The following DLGAP1 variants were observed in gnomAD, a reference collection of about 807,000 sequenced individuals.
DLGAP1 encodes the protein DLG associated protein 1.
In DLGAP1, 11 loss-of-function variants were observed where a neutral mutation model predicts 90.8. The ratio of observed to expected loss-of-function variants is 0.12; its 90% CI spans 0.08 to 0.20. The LOEUF is 0.20. Ranked by LOEUF, DLGAP1 falls within the 10% of genes least tolerant of loss-of-function variation. The pLI is 1.00. For synonymous variants in DLGAP1, 558 were observed against 540.7 expected (o/e 1.03, Z -0.44); for missense variants, 1,050 against 1,333.8 (o/e 0.79, Z 3.31).
chr18:3,879,329 G>T lies in DLGAP1; in HGVS notation c.740C>A (p.Ala247Glu), dbSNP rs761785408. ...LEAYNTISEQ[A>E]VKASRSNNDV... Reference sequence around the variant, plus strand: ...GTTGTTGCTCCGGGAGGCCTTCACCGCCTGCTCGCTGATGGTGTTGTAGGC... The same window carrying T: ...GTTGTTGCTCCGGGAGGCCTTCACCTCCTGCTCGCTGATGGTGTTGTAGGC... The change falls in exon 4 of 13, where the codon GCG becomes GAG. Residue 247 changes from alanine (A) to glutamate (E), a missense_variant. Ala to Glu is a moderately radical substitution (Grantham distance 107). This residue lies in a region of DLGAP1 where 485 missense variants were observed against 454.1 expected (regional missense o/e 1.07). Coordinates refer to ENST00000315677, the MANE Select transcript of DLGAP1 (RefSeq NM_004746.4). The surrounding 1 kb of genome is among the most constrained non-coding windows in gnomAD (Gnocchi z 6.6). 1.2e-6 allele frequency: 2 copies of T among 1,605,140 alleles called. No homozygotes were observed. The highest frequency in any genetic ancestry group is 1.1e-5 in the South Asian group (1 of 89,822).
intron 3 of DLGAP1, among the ~76,000 whole-genome samples, chr18:3,931,138 CT>C (rs986493061): frequency 5.3e-5 from 8 of 152,206 alleles, no homozygotes; most frequent in African/African-American, 1.9e-4. Context: ...CAAGTCTGGA[CT>C]TGCCACATAT....
At chr18:4,137,900 T>C (rs1047790987) in intron 2 of DLGAP1, among the ~76,000 whole-genome samples, 6 of 152,288 alleles carry the variant, frequency 3.9e-5, no homozygotes, top group Admixed American at 3.3e-4. Flanking sequence ...CTTTTCTGAT[T>C]TCTTTTTCAG....
chr18:3,644,522 T>C (rs2059052718), intron 7 of DLGAP1, among the ~76,000 whole-genome samples: 1 of 152,102 alleles, frequency 6.6e-6, no homozygotes. Flanking sequence ...GTGATTCTCC[T>C]GCCTCAGCCT....
At chr18:4,153,533 C>CT (rs1419731274) in intron 1 of DLGAP1, among the ~76,000 whole-genome samples, 1 of 151,826 alleles carries the variant, frequency 6.6e-6, no homozygotes, top group African/African-American at 2.4e-5. Flanking sequence ...TCTTCCTGTT[C>CT]TTTTTTTTAA....
At chr18:3,935,680 G>C (rs2096560643) in intron 3 of DLGAP1, among the ~76,000 whole-genome samples, 2 of 152,182 alleles carry the variant, frequency 1.3e-5, no homozygotes, top group Admixed American at 1.3e-4. Context: ...ATAATAGCTA[G>C]GGGTCTATGT....
intron 1 of DLGAP1, among the ~76,000 whole-genome samples, chr18:4,159,570 C>T (rs1312077271): frequency 6.6e-6 from 1 of 152,128 alleles, no homozygotes; most frequent in African/African-American, 2.4e-5. Context: ...AATGAAAGCT[C>T]CCCACGGAAT....
chr18:4,186,066 C>T (rs1337921195), intron 1 of DLGAP1, among the ~76,000 whole-genome samples: 2 of 149,926 alleles, frequency 1.3e-5, no homozygotes, highest in African/African-American at 4.8e-5. Context: ...GCTTATTGGC[C>T]TCATGTATGT....
intron 1 of DLGAP1, among the ~76,000 whole-genome samples, chr18:4,317,757 G>T (rs572799589): frequency 5.9e-5 from 9 of 152,322 alleles, no homozygotes; most frequent in African/African-American, 1.7e-4. Context: ...TGATCCCCAG[G>T]ATGATCAAAC....
rs1295025178 is a variant in DLGAP1, at chr18:4,342,423, T to C, written c.-267+112583A>G. Among the ~76,000 whole-genome samples, 1 of 152,226 alleles carries C rather than the reference T, an allele frequency of 6.6e-6. No individual in the cohort carries two copies. The highest frequency in any genetic ancestry group is 6.5e-5 in the Admixed American group (1 of 15,278). On this transcript the variant is annotated intron_variant, in intron 1 of 12. Coordinates refer to ENST00000315677, the MANE Select transcript of DLGAP1 (RefSeq NM_004746.4). This position sits in a 1 kb window ranked among gnomAD's most constrained non-coding sequence, Gnocchi z 5.8. Reference sequence around the variant, plus strand: ...AAATTGGAAAGGAAATATCTTGCACTACTAAGACTAAATGGTTTTAAAACT... The same window carrying C: ...AAATTGGAAAGGAAATATCTTGCACCACTAAGACTAAATGGTTTTAAAACT...
intron 7 of DLGAP1, among the ~76,000 whole-genome samples, chr18:3,650,460 C>CAAAAGAAAGAAAGAA (rs1161205553): frequency 2.0e-5 from 3 of 151,852 alleles, no homozygotes; most frequent in African/African-American, 7.3e-5. Context: ...CCTGTCTCTA[C>CAAAAGAAAGAAAGAA]AAAAGAAAGA....
intron 7 of DLGAP1, among the ~76,000 whole-genome samples, chr18:3,620,949 G>A (rs1201336612): frequency 6.6e-6 from 1 of 152,164 alleles, no homozygotes; most frequent in African/African-American, 2.4e-5. Context: ...CCCAGAGGTT[G>A]GTCTCCCACC....
intron 2 of DLGAP1, among the ~76,000 whole-genome samples, chr18:4,117,215 T>G (rs1014612772): frequency 2.0e-5 from 3 of 152,228 alleles, no homozygotes; most frequent in African/African-American, 7.2e-5. Flanking sequence ...ATCTTGATCT[T>G]AGACTTCTAG....
chr18:4,422,761 G>A (rs1292793596), intron 1 of DLGAP1, among the ~76,000 whole-genome samples: 2 of 151,950 alleles, frequency 1.3e-5, no homozygotes, highest in Non-Finnish European at 2.9e-5. Flanking sequence ...TAACAAATGG[G>A]AGAAAATCTT....
At chr18:4,095,357 A>T (rs904458213) in intron 2 of DLGAP1, among the ~76,000 whole-genome samples, 1 of 152,172 alleles carries the variant, frequency 6.6e-6, no homozygotes, top group Admixed American at 6.5e-5. Context: ...TAGAGGGGAA[A>T]AGCTTAGGCT....
At chr18:4,111,049 T>C (rs1212181593) in intron 2 of DLGAP1, among the ~76,000 whole-genome samples, 2 of 152,124 alleles carry the variant, frequency 1.3e-5, no homozygotes, top group Non-Finnish European at 2.9e-5. Flanking sequence ...TAGCCGTGGT[T>C]TTTTTCTAGG....
intron 7 of DLGAP1, among the ~76,000 whole-genome samples, chr18:3,701,565 T>C (rs556032093): frequency 3.3e-5 from 5 of 152,250 alleles, no homozygotes; most frequent in South Asian, 2.1e-4. Context: ...ATCTGAGAGA[T>C]TAGAAGTTGT....
intron 7 of DLGAP1, among the ~76,000 whole-genome samples, chr18:3,592,778 A>G (rs1380201493): frequency 7.6e-6 from 1 of 131,330 alleles, no homozygotes; most frequent in Admixed American, 8.9e-5. Context: ...TGGGAGGTGG[A>G]GGCCGCAATG....
At chr18:3,647,965 T>G (rs2059179013) in intron 7 of DLGAP1, among the ~76,000 whole-genome samples, 3 of 152,066 alleles carry the variant, frequency 2.0e-5, no homozygotes. Flanking sequence ...ATTTTAGGAG[T>G]TCATATTTAA....
chr18:4,100,517 T>C (rs143462263), intron 2 of DLGAP1, among the ~76,000 whole-genome samples: 8 of 152,334 alleles, frequency 5.3e-5, no homozygotes, highest in South Asian at 2.1e-4. Flanking sequence ...ATATTCAGAA[T>C]AGTAAATGCG....
Sources: gnomAD v4.1 joint callset for allele counts (sites outside exome capture counted in the v4.1 genomes callset) on GRCh38, gnomAD v4.1.1 for gene constraint, gnomAD v4.1.1 regional missense constraint, Gnocchi (gnomAD v3.1) non-coding constraint, MANE v1.5 for transcripts, NCBI Gene and HGNC (gene_info 2026-07-23, HGNC 2026-07-21) for gene names.